The following AP1AR variants were observed in gnomAD, a reference collection of about 807,000 sequenced individuals.
AP1AR encodes the protein adaptor related protein complex 1 associated regulatory protein, also known as AP-1 complex-associated regulatory protein.
A neutral mutation model predicts 46.3 loss-of-function variants in AP1AR; 29 were observed. The ratio of observed to expected loss-of-function variants is 0.63; its 90% confidence interval spans 0.47 to 0.85. The LOEUF is 0.85. AP1AR is among the 40% of genes least tolerant of loss of function. The pLI is 0.00. For missense variants in AP1AR, 357 were observed against 356.3 expected (o/e 1.00, Z -0.02); for synonymous variants, 122 against 122.9 (o/e 0.99, Z 0.05).
chr4:112,260,750 TC>T lies in AP1AR; in HGVS notation c.186-14del. The stretch of plus-strand genomic sequence containing the variant: ...TTTTTGTTTTTTCTTTTTCTCCTCC[TC>T]CTTTTTTTCTCTAGGCCTCTTACTG... On this transcript the variant is annotated splice_polypyrimidine_tract_variant and intron_variant, in intron 4 of 9. Transcript: ENST00000274000. 2.0e-6 allele frequency: 3 copies of T among 1,526,474 alleles called. No individual in the cohort carries two copies. The highest frequency in any genetic ancestry group is 1.8e-6 in the Non-Finnish European group (2 of 1,129,412). 94.6% of individuals were successfully genotyped at this position (1,526,474 alleles called of 1,614,324 possible).
At chr4:112,240,245 CTATT>C (rs1725430688) in intron 1 of AP1AR, among the ~76,000 whole-genome samples, 1 of 152,082 alleles carries the variant, frequency 6.6e-6, no homozygotes, top group Non-Finnish European at 1.5e-5. Context: ...TTCCTTGAAT[CTATT>C]TCTTTCCTTT....
chr4:112,239,153 G>A (rs1156780878), intron 1 of AP1AR, among the ~76,000 whole-genome samples: 1 of 151,984 alleles, frequency 6.6e-6, no homozygotes, highest in Non-Finnish European at 1.5e-5. Context: ...ACGCCCTTTT[G>A]AACTTGTGTC....
intron 1 of AP1AR, among the ~76,000 whole-genome samples, chr4:112,234,405 A>G (rs957865494): frequency 1.3e-5 from 2 of 152,174 alleles, no homozygotes; most frequent in African/African-American, 2.4e-5. Flanking sequence ...TTTGTGGGCA[A>G]AGCTCTTTGA....
chr4:112,255,543 G>A (rs932777294), intron 3 of AP1AR, among the ~76,000 whole-genome samples: 4 of 152,166 alleles, frequency 2.6e-5, no homozygotes, highest in South Asian at 2.1e-4. Context: ...TGGGACCATC[G>A]GTGTGTACCA....
chr4:112,259,278 G>C (rs2110486801), intron 4 of AP1AR, among the ~76,000 whole-genome samples: 1 of 152,304 alleles, frequency 6.6e-6, no homozygotes, highest in South Asian at 2.1e-4. Flanking sequence ...CAAGTGAATG[G>C]GAGGTAAGGA....
intron 8 of AP1AR, among the ~76,000 whole-genome samples, chr4:112,266,308 A>G (rs1726703844): frequency 6.6e-6 from 1 of 151,586 alleles, no homozygotes; most frequent in Non-Finnish European, 1.5e-5. Context: ...TTTGTAATTG[A>G]CTGTTAAAAA....
intron 4 of AP1AR, among the ~76,000 whole-genome samples, chr4:112,258,471 C>T (rs1726301153): frequency 6.6e-6 from 1 of 152,112 alleles, no homozygotes; most frequent in Non-Finnish European, 1.5e-5. Flanking sequence ...TGACTAATTT[C>T]AATATGAGGT....
intron 4 of AP1AR, among the ~76,000 whole-genome samples, chr4:112,258,345 T>G (rs1279199913): frequency 6.6e-6 from 1 of 152,206 alleles, no homozygotes; most frequent in Non-Finnish European, 1.5e-5. Context: ...TAGCAAACAT[T>G]TATTAAGCAA....
intron 1 of AP1AR, 96 bp downstream of exon 1, chr4:112,232,270 G>A: frequency 9.5e-7 from 1 of 1,057,422 alleles, no homozygotes; most frequent in South Asian, 3.7e-5. Flanking sequence ...GCTGGAGGTG[G>A]CGGTCGAGAG....
chr4:112,244,841 A>G (rs1013024057), intron 1 of AP1AR, among the ~76,000 whole-genome samples: 2 of 152,314 alleles, frequency 1.3e-5, no homozygotes, highest in Non-Finnish European at 1.5e-5. Flanking sequence ...TGTTGTCATT[A>G]TAAATGAAAT....
chr4:112,264,966 T>C (rs1170538954), intron 6 of AP1AR, 43 bp from the exon 7 acceptor site: 1 of 1,502,624 alleles, frequency 6.7e-7, no homozygotes. Flanking sequence ...AATATATAAT[T>C]TTACAACAGA....
chr4:112,242,749 G>C (rs2110470623), intron 1 of AP1AR, among the ~76,000 whole-genome samples: 1 of 152,226 alleles, frequency 6.6e-6, no homozygotes, highest in Admixed American at 6.5e-5. Context: ...CCTAACAATG[G>C]AGATCAAATT....
Position 112,232,053 on chromosome 4 carries a change from G to T in AP1AR, c.-39G>T. The T allele has an allele frequency of 7.8e-7, 1 of 1,284,236 alleles. No homozygotes were observed. The highest frequency in any genetic ancestry group is 3.6e-5 in the Admixed American group (1 of 27,974). 79.6% of individuals were successfully genotyped at this position (1,284,236 alleles called of 1,614,324 possible). A position where few individuals can be genotyped will look rare whatever the true frequency, so the allele number is the denominator to read the frequency against. ...CGGGCCTGGGTTTGGGCATTGAGCG[G>T]GAGGAGGAGGAGGAGCGGCGGCGCC... On this transcript the variant is annotated 5_prime_UTR_variant, in exon 1 of 10. Transcript: ENST00000274000.
At position 112,268,502 on chromosome 4, in the gene AP1AR, G is replaced by A; in HGVS notation, c.*93G>A. The A allele has an allele frequency of 7.8e-7, 1 of 1,290,230 alleles. No homozygotes were observed. The highest frequency in any genetic ancestry group is 1.7e-5 in the South Asian group (1 of 59,510). The allele number at this position is 1,290,230 out of a possible 1,614,324, so 79.9% of individuals were successfully genotyped here. A position where few individuals can be genotyped will look rare whatever the true frequency, so the allele number is the denominator to read the frequency against. On this transcript the variant is annotated 3_prime_UTR_variant, in exon 10 of 10. Coordinates refer to ENST00000274000, the MANE Select transcript of AP1AR (RefSeq NM_018569.6). Reference sequence around the variant, plus strand: ...GATTGTGCTTAGCCTTTTTGTAAGGGAGATGTGTAAGAAACCATGTTGTAA... The same window carrying A: ...GATTGTGCTTAGCCTTTTTGTAAGGAAGATGTGTAAGAAACCATGTTGTAA...
At chr4:112,232,451 A>G (rs79527547) in intron 1 of AP1AR, among the ~76,000 whole-genome samples, 2,611 of 152,300 alleles carry the variant, frequency 0.017, 42 homozygotes, top group South Asian at 0.054. Context: ...CATCATCTCC[A>G]GGAAACAAGG....
At chr4:112,241,881 C>T (rs1249639442) in intron 1 of AP1AR, among the ~76,000 whole-genome samples, 1 of 151,966 alleles carries the variant, frequency 6.6e-6, no homozygotes. Flanking sequence ...TATAATCTTT[C>T]CAGTCTTCTG....
chr4:112,243,238 C>T (rs1425289790), intron 1 of AP1AR, among the ~76,000 whole-genome samples: 1 of 152,182 alleles, frequency 6.6e-6, no homozygotes, highest in Non-Finnish European at 1.5e-5. Context: ...TGTCCTTTAT[C>T]GTTTCACTGC....
chr4:112,266,540 G>A (rs1170963378), intron 8 of AP1AR, 48 bp from the exon 9 acceptor site: 1 of 1,573,748 alleles, frequency 6.4e-7, no homozygotes, highest in East Asian at 2.3e-5. Context: ...GGCTGTTGCG[G>A]TGGAAGAGTA....
In AP1AR at chr4:112,232,228, C is replaced by T. The variant is rs925499418; in HGVS notation, c.83+54C>T. The T allele has an allele frequency of 3.5e-5, 44 of 1,249,414 alleles. No individual in the cohort carries two copies. The African/African-American group carries it at 3.9e-4, about 11-fold the overall frequency. The allele number at this position is 1,249,414 out of a possible 1,614,324, so 77.4% of individuals were successfully genotyped here. A position where few individuals can be genotyped will look rare whatever the true frequency, so the allele number is the denominator to read the frequency against. On this transcript the variant is annotated intron_variant, in intron 1 of 9. Coordinates refer to ENST00000274000, the MANE Select transcript of AP1AR (RefSeq NM_018569.6). ...CCCGTGGCTCCTCCTCTTCGGCCCC[C>T]GGCGGGGAATCCCTTTCACCGTCCC... is the stretch of plus-strand genomic sequence containing the variant.
Sources: allele counts gnomAD v4.1 joint callset (sites outside exome capture counted in the v4.1 genomes callset), GRCh38; gene constraint gnomAD v4.1.1; transcripts MANE v1.5; gene names NCBI Gene and HGNC (gene_info 2026-07-23, HGNC 2026-07-21).